The following OTUD7A variants were observed in gnomAD, a reference collection of about 807,000 sequenced individuals.
OTUD7A encodes OTU deubiquitinase 7A, also known as OTU domain-containing protein 7A.
OTUD7A carries 12 observed loss-of-function variants against 65.7 expected under a neutral mutation model. The observed-to-expected ratio is 0.18, with a 90% CI of 0.12 to 0.30. The LOEUF (loss-of-function observed/expected upper bound fraction) is 0.30. Ranked by LOEUF, OTUD7A falls within the 10% of genes least tolerant of loss-of-function variation. OTUD7A has a pLI of 1.00. For synonymous variants in OTUD7A, 641 were observed against 586.3 expected, an observed-to-expected ratio of 1.09 and a Z score of -1.35; for missense variants, 1,148 against 1,304.8, an observed-to-expected ratio of 0.88 and a Z score of 1.85.
intron 1 of OTUD7A, among the ~76,000 whole-genome samples, chr15:31,818,820 C>T (rs1174839910): frequency 6.6e-6 from 1 of 152,174 alleles, no homozygotes; most frequent in Admixed American, 6.5e-5. Context: ...TGGTCTGCTG[C>T]TGTAAAAAAT....
chr15:31,769,767 AG>A (rs1401004126), intron 1 of OTUD7A, among the ~76,000 whole-genome samples: 4 of 152,210 alleles, frequency 2.6e-5, no homozygotes, highest in Non-Finnish European at 5.9e-5. Flanking sequence ...GCAAAACTAT[AG>A]GGGCAGAGAG....
intron 3 of OTUD7A, among the ~76,000 whole-genome samples, chr15:31,638,490 C>T (rs970000195): frequency 1.5e-4 from 23 of 151,356 alleles, no homozygotes; most frequent in Non-Finnish European, 3.4e-4. Context: ...AGCAATCCTC[C>T]CACCTCAGCC....
intron 1 of OTUD7A, among the ~76,000 whole-genome samples, chr15:31,699,315 G>A (rs1465884440): frequency 1.3e-5 from 2 of 152,226 alleles, no homozygotes; most frequent in South Asian, 2.1e-4. Flanking sequence ...TCCTGACCTC[G>A]TGATCCGCCC....
At chr15:31,577,818 G>GT (rs1491458708) in intron 3 of OTUD7A, among the ~76,000 whole-genome samples, 4 of 101,298 alleles carry the variant, frequency 3.9e-5, no homozygotes, top group Admixed American at 3.3e-4. Flanking sequence ...TTTGATTCCA[G>GT]TAAAAAAAAA....
intron 3 of OTUD7A, among the ~76,000 whole-genome samples, chr15:31,601,313 A>G (rs1437044247): frequency 1.3e-5 from 2 of 152,212 alleles, no homozygotes; most frequent in East Asian, 1.9e-4. Flanking sequence ...AACTCACCCA[A>G]AACTGCACAA....
chr15:31,610,617 A>ATATATT, intron 3 of OTUD7A, among the ~76,000 whole-genome samples: 9 of 30,560 alleles, frequency 2.9e-4, no homozygotes, highest in East Asian at 1.9e-3. Flanking sequence ...ATATATATAT[A>ATATATT]TTTTTTTTTT....
intron 1 of OTUD7A, among the ~76,000 whole-genome samples, chr15:31,775,463 G>GTGACTACA (rs1218785442): frequency 1.3e-5 from 2 of 152,220 alleles, no homozygotes; most frequent in Non-Finnish European, 2.9e-5. Flanking sequence ...TGTAAGTGCT[G>GTGACTACA]TGACTACAAC....
chr15:31,574,573 A>T (rs945342806), intron 3 of OTUD7A, among the ~76,000 whole-genome samples: 6 of 152,258 alleles, frequency 3.9e-5, no homozygotes, highest in African/African-American at 9.6e-5. Flanking sequence ...CAAACAAGGT[A>T]GAATTCAGGC....
At chr15:31,825,770 A>G (rs1328668232) in intron 1 of OTUD7A, among the ~76,000 whole-genome samples, 1 of 152,218 alleles carries the variant, frequency 6.6e-6, no homozygotes, top group East Asian at 1.9e-4. Flanking sequence ...CCTAGATACA[A>G]TGGGGGTACA....
intron 1 of OTUD7A, among the ~76,000 whole-genome samples, chr15:31,757,697 G>A (rs926944783): frequency 2.0e-5 from 3 of 152,132 alleles, no homozygotes; most frequent in African/African-American, 7.2e-5. Context: ...CTAATGAAAT[G>A]TCAATTACAT....
At chr15:31,610,101 G>C (rs1325309029) in intron 3 of OTUD7A, among the ~76,000 whole-genome samples, 4 of 152,108 alleles carry the variant, frequency 2.6e-5, no homozygotes, top group Non-Finnish European at 5.9e-5. Context: ...CAAATGAGAA[G>C]GAACCAGAAA....
chr15:31,698,473 A>G lies in OTUD7A; in HGVS notation c.-99-41396T>C, dbSNP rs557090218. Among the ~76,000 whole-genome samples the G allele has an allele frequency of 2.0e-5, 3 of 152,302 alleles. No homozygotes were observed. The South Asian group carries it at 6.2e-4, about 32-fold the overall frequency. On this transcript the variant is annotated intron_variant, in intron 1 of 12. Coordinates refer to ENST00000307050, the MANE Select transcript of OTUD7A (RefSeq NM_001382637.1). ...TGGCCCACAACATCAGCATTGTTGG[A>G]GATTTGTTAAAAATGCAAGTTCCCA...
chr15:31,537,217 A>G (rs1299553878), intron 5 of OTUD7A, among the ~76,000 whole-genome samples: 4 of 152,326 alleles, frequency 2.6e-5, no homozygotes, highest in Non-Finnish European at 5.9e-5. Context: ...GTTTAATATA[A>G]AAAAACTTCT....
chr15:31,483,854 C>T lies in OTUD7A; in HGVS notation c.2242G>A (p.Gly748Ser), dbSNP rs865943714. 462 of 980,022 alleles carry T rather than the reference C, an allele frequency of 4.7e-4. 1 individual carries two copies. The Middle Eastern group carries it at 9.4e-3, about 20-fold the overall frequency. 60.7% of individuals were successfully genotyped at this position (980,022 alleles called of 1,614,324 possible). A position where few individuals can be genotyped will look rare whatever the true frequency, so the allele number is the denominator to read the frequency against. Residue 748 changes from glycine to serine, a missense_variant, in exon 13 of 13, where the codon GGC becomes AGC. This residue lies in a region of OTUD7A where 842 missense variants were observed against 769.5 expected (regional missense o/e 1.09). Coordinates refer to ENST00000307050, the MANE Select transcript of OTUD7A (RefSeq NM_001382637.1). ...AGRAARAAAG[G>S]TASPGGGARR... ...GCGCCTCCCCCCGGGGAGGCCGTGC[C>T]GCCCGCCGCCGCCCGCGCCGCACGC...
At chr15:31,783,082 C>T (rs1444821608) in intron 1 of OTUD7A, among the ~76,000 whole-genome samples, 1 of 152,136 alleles carries the variant, frequency 6.6e-6, no homozygotes, top group African/African-American at 2.4e-5. Flanking sequence ...TACCATAAAC[C>T]AGCAAGGAGA....
chr15:31,486,590 G>C (rs1402273681), intron 12 of OTUD7A, among the ~76,000 whole-genome samples: 1 of 87,338 alleles, frequency 1.1e-5, no homozygotes, highest in African/African-American at 4.9e-5. Flanking sequence ...CTCAGCGTTT[G>C]CAAGCAGGGG....
At chr15:31,738,242 G>A (rs1894246148) in intron 1 of OTUD7A, among the ~76,000 whole-genome samples, 1 of 151,976 alleles carries the variant, frequency 6.6e-6, no homozygotes, top group Non-Finnish European at 1.5e-5. Flanking sequence ...AATGGCAGGG[G>A]GCCTGGAGCT....
chr15:31,687,284 T>G (rs1217945891), intron 1 of OTUD7A, among the ~76,000 whole-genome samples: 1 of 152,106 alleles, frequency 6.6e-6, no homozygotes, highest in Non-Finnish European at 1.5e-5. Flanking sequence ...TGTTCGCTGA[T>G]GAATACTTCC....
chr15:31,824,319 T>C lies in OTUD7A; in HGVS notation c.-100+46188A>G, dbSNP rs1306850110. On this transcript the variant is annotated intron_variant, in intron 1 of 12. Transcript: ENST00000307050. ...CATCACTTCACCTGTTTTATTACCA[T>C]AGCAACACCTGCCGCTTTGCAAGGA... Among the ~76,000 whole-genome samples, 5 of 152,150 alleles carry C rather than the reference T, an allele frequency of 3.3e-5. No individual in the cohort carries two copies. In the East Asian group the frequency reaches 5.8e-4, roughly 18 times the overall value.
Sources: allele counts gnomAD v4.1 joint callset (sites outside exome capture counted in the v4.1 genomes callset), GRCh38; gene constraint gnomAD v4.1.1; regional missense constraint gnomAD v4.1.1; transcripts MANE v1.5; gene names NCBI Gene and HGNC (gene_info 2026-07-23, HGNC 2026-07-21).